The following MAP3K6 variants were observed in gnomAD, a reference collection of about 807,000 sequenced individuals.
MAP3K6 encodes the protein mitogen-activated protein kinase kinase kinase 6.
Under a neutral mutation model 147.1 loss-of-function variants are expected in MAP3K6, and 105 were observed. The observed-to-expected ratio is 0.71, with a 90% CI of 0.61 to 0.84. MAP3K6 has a LOEUF of 0.84. MAP3K6 is among the 40% of genes least tolerant of loss of function. The pLI is 0.00. For missense variants in MAP3K6, 1,569 were observed against 1,715.0 expected (o/e 0.91, Z 1.50); for synonymous variants, 695 against 732.4 (o/e 0.95, Z 0.82).
Position 27,358,048 on chromosome 1 carries a change from G to A in MAP3K6, c.2915+133C>T. On this transcript the variant is annotated intron_variant, in intron 21 of 28. Transcript: ENST00000357582. The surrounding 1 kb of genome is among the most constrained non-coding windows in gnomAD (Gnocchi z 6.2). ...AGTCCAAGTTAGAGTTGCCAGAACA[G>A]GGCATGGGGAGGCACCAAATGCCAC... is the stretch of plus-strand genomic sequence containing the variant. 1.3e-6 allele frequency: 2 copies of A among 1,498,744 alleles called. No individual in the cohort carries two copies. The highest frequency in any genetic ancestry group is 2.7e-5 in the South Asian group (2 of 73,694). 92.8% of individuals were successfully genotyped at this position (1,498,744 alleles called of 1,614,324 possible).
Position 27,360,785 on chromosome 1 carries a change from C to T in MAP3K6, c.1974G>A (p.Thr658=), listed in dbSNP as rs749752867. ...TGERLVLGKG[T]YGVVYAGRDR... Reference sequence around the variant, plus strand: ...CGCGGCCCGCGTACACCACCCCATACGTGCCCTTGCCCAGCACCAGCCGCT... The same window carrying T: ...CGCGGCCCGCGTACACCACCCCATATGTGCCCTTGCCCAGCACCAGCCGCT... Residue 658 remains threonine, a synonymous_variant, in exon 15 of 29, where the codon ACG becomes ACA. Coordinates refer to ENST00000357582, the MANE Select transcript of MAP3K6 (RefSeq NM_004672.5). The surrounding 1 kb of genome is among the most constrained non-coding windows in gnomAD (Gnocchi z 4.5). 1.9e-6 allele frequency: 3 copies of T among 1,612,732 alleles called. No individual in the cohort carries two copies. Among genetic ancestry groups the T allele is most frequent in the Non-Finnish European group, 8.5e-7 (1 of 1,179,860 alleles).
At position 27,360,670 on chromosome 1, in the gene MAP3K6, G is replaced by A. The variant is rs929802948; in HGVS notation, c.2054+35C>T. ...GGCCCGGCTCACTCGGCCCTCGCGA[G>A]CCCTCAGCCCCACCCGCGCTGCCAC... On this transcript the variant is annotated intron_variant, in intron 15 of 28. Transcript: ENST00000357582. This position sits in a 1 kb window ranked among gnomAD's most constrained non-coding sequence, Gnocchi z 4.5. The A allele has an allele frequency of 3.8e-6, 6 of 1,592,558 alleles. No individual in the cohort carries two copies. Among genetic ancestry groups the A allele is most frequent in the Admixed American group, 1.7e-5 (1 of 58,576 alleles).
rs775342334 is a variant in MAP3K6 at position 27,360,028 on chromosome 1, C to A, written c.2183-34G>T. On this transcript the variant is annotated intron_variant, in intron 16 of 28. Coordinates refer to ENST00000357582, the MANE Select transcript of MAP3K6 (RefSeq NM_004672.5). This position sits in a 1 kb window ranked among gnomAD's most constrained non-coding sequence, Gnocchi z 4.5. Reference sequence around the variant, plus strand: ...GGACAGTCCAAGTTCATTCTTCCCACCCACTGGCTCCAGCCCACATCTCTC... The same window carrying A: ...GGACAGTCCAAGTTCATTCTTCCCAACCACTGGCTCCAGCCCACATCTCTC... The A allele has an allele frequency of 1.9e-6, 3 of 1,612,524 alleles. No homozygotes were observed. Among genetic ancestry groups the A allele is most frequent in the East Asian group, 4.5e-5 (2 of 44,858 alleles).
chr1:27,356,059 C>G lies in MAP3K6; in HGVS notation c.3678G>C (p.Gln1226His), dbSNP rs1319824165. The part of the protein sequence containing the change: ...STDQGLVQWL[Q>H]ELNVDSGTIQ... Reference sequence around the variant, plus strand: ...TGGTGCCTGAATCCACATTCAGTTCCTGTAGCCACTGCACCAGGCCCTGGT... The same window carrying G: ...TGGTGCCTGAATCCACATTCAGTTCGTGTAGCCACTGCACCAGGCCCTGGT... The change falls in exon 27 of 29, where the codon CAG (glutamine) becomes CAC (histidine). Residue 1226 changes from glutamine to histidine, a missense_variant. Gln to His is a conservative substitution (Grantham distance 24). Transcript: ENST00000357582. 6.2e-7 allele frequency: 1 copy of G among 1,614,186 alleles called. No individual in the cohort carries two copies. Among genetic ancestry groups the G allele is most frequent in the Non-Finnish European group, 8.5e-7 (1 of 1,180,044 alleles).
intron 24 of MAP3K6, 77 bp downstream of exon 24, chr1:27,356,932 G>A (rs1169568825): frequency 8.7e-6 from 13 of 1,491,930 alleles, no homozygotes; most frequent in African/African-American, 1.4e-5. Context: ...GGCCCCCACC[G>A]GCCCCATTCG....
Position 27,364,863 on chromosome 1 carries a change from G to C in MAP3K6, c.390C>G (p.Phe130Leu). The C allele has an allele frequency of 6.2e-7, 1 of 1,611,578 alleles. No homozygotes were observed. ...AGCTCTCACGCACACCAAGGTGGTA[G>C]AACAGGGAGGGCTGTACCAGCGAGC... is the stretch of plus-strand genomic sequence containing the variant. ...VSSSLVQPSL[F>L]YHLGVRESFS... is the part of the protein sequence containing the mutation. Residue 130 changes from phenylalanine (F) to leucine (L), a missense_variant, in exon 2 of 29, where the codon TTC (phenylalanine) becomes TTG (leucine). Phe to Leu is a conservative substitution (Grantham distance 22, BLOSUM62 0). Transcript: ENST00000357582. The surrounding 1 kb of genome is among the most constrained non-coding windows in gnomAD (Gnocchi z 4.4).
chr1:27,355,415 G>T lies in MAP3K6; in HGVS notation c.3843C>A (p.Ser1281=), dbSNP rs747511532. 5 of 1,613,964 alleles carry T rather than the reference G, an allele frequency of 3.1e-6. No individual in the cohort carries two copies. Among genetic ancestry groups the T allele is most frequent in the Non-Finnish European group, 4.2e-6 (5 of 1,179,966 alleles). Residue 1281 remains serine, a synonymous_variant, in exon 29 of 29, where the codon TCC becomes TCA. Transcript: ENST00000357582. ...CTCAGGGTCCAGAGGTGACTGGTGTGGATCCTGCTCGCTGTGCCAAGATGG... is the reference window on the plus strand; with the variant it reads ...CTCAGGGTCCAGAGGTGACTGGTGTTGATCCTGCTCGCTGTGCCAAGATGG... ...WRAILAQRAG[S]TPVTSGP is the part of the protein sequence containing the mutation.
Position 27,357,575 on chromosome 1 carries a change from C to G in MAP3K6, c.3083G>C (p.Gly1028Ala), listed in dbSNP as rs773691018. ...NLHQEQKQEQ[G>A]ARLGRNHVEE... ...CACATGGTTTCTGCCCAGACGGGCC[C>G]CCTGAGAAGGAAGAGAGGGGTTGTC... Residue 1028 changes from glycine (G) to alanine (A), a missense_variant and splice_region_variant, in exon 23 of 29, where the codon GGG (glycine) becomes GCG (alanine). Gly to Ala is a moderately conservative substitution (Grantham distance 60). Coordinates refer to ENST00000357582, the MANE Select transcript of MAP3K6 (RefSeq NM_004672.5). The G allele has an allele frequency of 2.5e-6, 4 of 1,606,360 alleles. No individual in the cohort carries two copies. The East Asian group carries it at 6.7e-5, about 27-fold the overall frequency.
rs775723863 is a variant in MAP3K6 at position 27,356,677 on chromosome 1, C to T, written c.3437G>A (p.Gly1146Asp). Residue 1146 changes from glycine (G) to aspartate (D), a missense_variant, in exon 25 of 29, where the codon GGC (glycine) becomes GAC (aspartate). By Grantham distance (94) the Gly-to-Asp change is moderately conservative (BLOSUM62 -1). Coordinates refer to ENST00000357582, the MANE Select transcript of MAP3K6 (RefSeq NM_004672.5). ...SNEGDSQQSP[G>D]QQSPLPVEPE... The stretch of plus-strand genomic sequence containing the variant: ...CTCCACCGGAAGCGGGCTCTGCTGG[C>T]CTGGGCTCTGCTGGGAGTCCCCTTC... The T allele has an allele frequency of 6.2e-7, 1 of 1,610,572 alleles. No homozygotes were observed. The highest frequency in any genetic ancestry group is 8.5e-7 in the Non-Finnish European group (1 of 1,178,344).
At chr1:27,363,110 C>G in intron 6 of MAP3K6, 89 bp from the exon 7 acceptor site, 2 of 1,225,398 alleles carry the variant, frequency 1.6e-6, no homozygotes, top group South Asian at 1.5e-5. Context: ...AGGGACCCTT[C>G]CAGGGGCCTG....
Position 27,360,935 on chromosome 1 carries a change from C to T in MAP3K6, c.1906G>A (p.Gly636Arg), listed in dbSNP as rs747324627. 1 of 1,608,078 alleles carries T rather than the reference C, an allele frequency of 6.2e-7. No individual in the cohort carries two copies. Among genetic ancestry groups the T allele is most frequent in the Non-Finnish European group, 8.5e-7 (1 of 1,177,174 alleles). Residue 636 changes from glycine (G) to arginine (R), a missense_variant, in exon 14 of 29, where the codon GGG becomes AGG. Physicochemically the swap from Gly to Arg is moderately radical, Grantham distance 125 (BLOSUM62 -2). Coordinates refer to ENST00000357582, the MANE Select transcript of MAP3K6 (RefSeq NM_004672.5). This position sits in a 1 kb window ranked among gnomAD's most constrained non-coding sequence, Gnocchi z 4.5. ...TAPAEEAEGA[G>R]EMLEFDYEYT... ...CGCGTCCTCACCTCCAACATCTCCC[C>T]CGCGCCCTCCGCCTCCTCCGCGGGC...
rs778008843 is a variant in MAP3K6 at position 27,357,493 on chromosome 1, G to A, written c.3165C>T (p.Leu1055=). 5.0e-6 allele frequency: 8 copies of A among 1,613,442 alleles called. No homozygotes were observed. Among genetic ancestry groups the A allele is most frequent in the African/African-American group, 1.3e-5 (1 of 74,904 alleles). The change falls in exon 23 of 29, where the codon CTC becomes CTT. Residue 1055 remains leucine (L), a synonymous_variant. Transcript: ENST00000357582. ...AHIHTPNRRQ[L]AQELRALQGR... ...CTTGCAGCGCCCGCAGCTCCTGGGCGAGCTGCCGGCGGTTGGGAGTGTGGA... is the reference window on the plus strand; with the variant it reads ...CTTGCAGCGCCCGCAGCTCCTGGGCAAGCTGCCGGCGGTTGGGAGTGTGGA...
Position 27,365,017 on chromosome 1 carries a change from G to C in MAP3K6, c.341-105C>G, listed in dbSNP as rs1036886449. The C allele has an allele frequency of 3.2e-6, 4 of 1,268,758 alleles. No homozygotes were observed. In the African/African-American group the frequency reaches 4.5e-5, roughly 14 times the overall value. 78.6% of individuals were successfully genotyped at this position (1,268,758 alleles called of 1,614,324 possible). On this transcript the variant is annotated intron_variant, in intron 1 of 28. Coordinates refer to ENST00000357582, the MANE Select transcript of MAP3K6 (RefSeq NM_004672.5). ...CTGCCTTGCTGTGGGACTCCAGTAGGGTCTGGTTCTGCTTTGGGCTTCAGT... is the reference window on the plus strand; with the variant it reads ...CTGCCTTGCTGTGGGACTCCAGTAGCGTCTGGTTCTGCTTTGGGCTTCAGT...
chr1:27,360,494 C>G lies in MAP3K6; in HGVS notation c.2055-126G>C. On this transcript the variant is annotated intron_variant, in intron 15 of 28. Transcript: ENST00000357582. The surrounding 1 kb of genome is among the most constrained non-coding windows in gnomAD (Gnocchi z 4.5). The stretch of plus-strand genomic sequence containing the variant: ...ACAAGCCCTCTCCGACCTTCCCCAC[C>G]CTTACTACCCTGCCCACAGGACCCT... 7.4e-7 allele frequency: 1 copy of G among 1,359,016 alleles called. No individual in the cohort carries two copies. The highest frequency in any genetic ancestry group is 9.9e-7 in the Non-Finnish European group (1 of 1,013,612). 84.2% of individuals were successfully genotyped at this position (1,359,016 alleles called of 1,614,324 possible).
chr1:27,358,678 C>T lies in MAP3K6; in HGVS notation c.2583+31G>A. 6.2e-7 allele frequency: 1 copy of T among 1,613,634 alleles called. No homozygotes were observed. The highest frequency in any genetic ancestry group is 8.5e-7 in the Non-Finnish European group (1 of 1,179,964). ...CAAGGCCCAGGCTGGCCCTATGCCA[C>T]TTCCATGGGCCAGGCCCAAAGAGGT... On this transcript the variant is annotated intron_variant, in intron 19 of 28. Coordinates refer to ENST00000357582, the MANE Select transcript of MAP3K6 (RefSeq NM_004672.5). This position sits in a 1 kb window ranked among gnomAD's most constrained non-coding sequence, Gnocchi z 6.2.
At chr1:27,362,570 CT>C (rs2015817977) in intron 8 of MAP3K6, 70 bp downstream of exon 8, 1 of 1,217,630 alleles carries the variant, frequency 8.2e-7, no homozygotes. Flanking sequence ...AGTGTGCTCT[CT>C]CCCTGCCCTC....
rs1571068189 is a variant in MAP3K6 at position 27,360,170 on chromosome 1, C to T, written c.2182+71G>A. The T allele has an allele frequency of 3.1e-6, 5 of 1,598,486 alleles. No homozygotes were observed. The East Asian group carries it at 9.0e-5, about 29-fold the overall frequency. The stretch of plus-strand genomic sequence containing the variant: ...CTAGGGTGCATTTCCCCCTAGGGCT[C>T]TCTACCCCTGCCTGCCTCGGTCCCA... On this transcript the variant is annotated intron_variant, in intron 16 of 28. Transcript: ENST00000357582. The surrounding 1 kb of genome is among the most constrained non-coding windows in gnomAD (Gnocchi z 4.5).
In MAP3K6 at chr1:27,360,722, G is replaced by T; in HGVS notation, c.2037C>A (p.Ile679=). Residue 679 remains isoleucine (I), a synonymous_variant, in exon 15 of 29, where the codon ATC becomes ATA. Coordinates refer to ENST00000357582, the MANE Select transcript of MAP3K6 (RefSeq NM_004672.5). This position sits in a 1 kb window ranked among gnomAD's most constrained non-coding sequence, Gnocchi z 4.5. ...CACCGCACCTGCTGTCCCGCTCCGGGATCTCCTTGATGGCGATGCGCACCC... is the reference window on the plus strand; with the variant it reads ...CACCGCACCTGCTGTCCCGCTCCGGTATCTCCTTGATGGCGATGCGCACCC... The part of the protein sequence containing the change: ...HTRVRIAIKE[I]PERDSRFSQP... The T allele has an allele frequency of 6.2e-7, 1 of 1,612,162 alleles. No homozygotes were observed. The highest frequency in any genetic ancestry group is 8.5e-7 in the Non-Finnish European group (1 of 1,179,696).
At position 27,358,983 on chromosome 1, in the gene MAP3K6, A is replaced by G; in HGVS notation, c.2426-117T>C. 1 of 1,021,346 alleles carries G rather than the reference A, an allele frequency of 9.8e-7. No individual in the cohort carries two copies. The highest frequency in any genetic ancestry group is 1.6e-5 in the South Asian group (1 of 62,510). The allele number at this position is 1,021,346 out of a possible 1,614,324, so 63.3% of individuals were successfully genotyped here. A position where few individuals can be genotyped will look rare whatever the true frequency, so the allele number is the denominator to read the frequency against. ...ACCCATACTGAACCTATCATCCAAA[A>G]TATACCTCAACACCTATCCTGGTCA... On this transcript the variant is annotated intron_variant, in intron 18 of 28. Transcript: ENST00000357582. This position sits in a 1 kb window ranked among gnomAD's most constrained non-coding sequence, Gnocchi z 6.2.
Sources: gnomAD v4.1 joint callset for allele counts on GRCh38, gnomAD v4.1.1 for gene constraint, Gnocchi (gnomAD v3.1) non-coding constraint, MANE v1.5 for transcripts, NCBI Gene and HGNC (gene_info 2026-07-23, HGNC 2026-07-21) for gene names.